Variants in PCDHGA4 observed in about 807,000 individuals in gnomAD.
PCDHGA4 encodes protocadherin gamma subfamily A, 4.
Under a neutral mutation model 54.6 loss-of-function variants are expected in PCDHGA4, and 38 were observed. That is an observed-to-expected ratio of 0.70 (90% CI 0.54 to 0.91). PCDHGA4 has a LOEUF of 0.91. PCDHGA4 is among the 40% of genes least tolerant of loss of function. PCDHGA4 has a pLI of 0.00. For synonymous variants in PCDHGA4, 511 were observed against 512.9 expected, an observed-to-expected ratio of 1.00 and a Z score of 0.05; for missense variants, 1,298 against 1,220.9, an observed-to-expected ratio of 1.06 and a Z score of -0.94.
chr5:141,404,291 G>C, intron 1 of PCDHGA4: 1 of 1,613,956 alleles, frequency 6.2e-7, no homozygotes, highest in Non-Finnish European at 8.5e-7. Context: ...TGACATCAAT[G>C]ATAATCCACC....
intron 1 of PCDHGA4, chr5:141,478,024 C>T: frequency 2.5e-6 from 4 of 1,614,188 alleles, no homozygotes; most frequent in Non-Finnish European, 3.4e-6. Context: ...CAGTCCAAGA[C>T]ACAGATTCAC....
At chr5:141,359,586 A>G (rs1252102791) in intron 1 of PCDHGA4, among the ~76,000 whole-genome samples, 1 of 151,834 alleles carries the variant, frequency 6.6e-6, no homozygotes, top group Non-Finnish European at 1.5e-5. Context: ...AAGATATAAC[A>G]ACTAAAAAAG....
chr5:141,507,113 C>G (rs1401559943), intron 3 of PCDHGA4: 1 of 152,220 alleles, frequency 6.6e-6, no homozygotes, highest in Non-Finnish European at 1.5e-5. Context: ...GGGACCATGG[C>G]TGCCTTTGGA....
rs1248714579 is a variant in PCDHGA4 at position 141,489,513 on chromosome 5, C to A, written c.2515-5294C>A. The A allele has an allele frequency of 6.2e-7, 1 of 1,614,000 alleles. No homozygotes were observed. Among genetic ancestry groups the A allele is most frequent in the African/African-American group, 1.3e-5 (1 of 74,918 alleles). ...CCCTGGCAGTGAATCAAAAGATTGACCGAGAAAGCCTATGTGGAGCCAGCA... is the reference window on the plus strand; with the variant it reads ...CCCTGGCAGTGAATCAAAAGATTGAACGAGAAAGCCTATGTGGAGCCAGCA... On this transcript the variant is annotated intron_variant, in intron 1 of 3. Coordinates refer to ENST00000571252, the MANE Select transcript of PCDHGA4 (RefSeq NM_018917.4). The surrounding 1 kb of genome is among the most constrained non-coding windows in gnomAD (Gnocchi z 4.5).
chr5:141,374,589 G>C, intron 1 of PCDHGA4: 3 of 1,613,676 alleles, frequency 1.9e-6, no homozygotes, highest in Non-Finnish European at 1.7e-6. Context: ...TCCCTTCAGG[G>C]ATTTAAGCTC....
rs778819723 is a variant in PCDHGA4 at position 141,398,637 on chromosome 5, T to C, written c.2514+41016T>C. 1.9e-6 allele frequency: 3 copies of C among 1,613,908 alleles called. No homozygotes were observed. The African/African-American group carries it at 4.0e-5, about 22-fold the overall frequency. On this transcript the variant is annotated intron_variant, in intron 1 of 3. Transcript: ENST00000571252. ...TTGGCTTAAACTCTCTGCAGAAGTATAAACTCTCTCTTAACCCAAGTTTCT... is the reference window on the plus strand; with the variant it reads ...TTGGCTTAAACTCTCTGCAGAAGTACAAACTCTCTCTTAACCCAAGTTTCT...
intron 1 of PCDHGA4, chr5:141,421,947 C>T: frequency 6.2e-7 from 1 of 1,613,118 alleles, no homozygotes; most frequent in African/African-American, 1.3e-5. Context: ...ATGATCACAT[C>T]CCAATGTTTA....
intron 1 of PCDHGA4, chr5:141,370,571 G>A (rs970814015): frequency 1.2e-6 from 2 of 1,613,816 alleles, no homozygotes; most frequent in African/African-American, 1.3e-5. Flanking sequence ...TTGGCGTGGG[G>A]GATTTACCTA....
intron 1 of PCDHGA4, among the ~76,000 whole-genome samples, chr5:141,456,857 G>A (rs957526443): frequency 6.6e-5 from 10 of 152,234 alleles, no homozygotes; most frequent in African/African-American, 2.4e-4. Context: ...CAGCTAATTG[G>A]GAGGCTGAGG....
At chr5:141,409,908 C>T (rs1255447661) in intron 1 of PCDHGA4, 1 of 1,613,204 alleles carries the variant, frequency 6.2e-7, no homozygotes, top group Non-Finnish European at 8.5e-7. Context: ...GCTCTGGGTC[C>T]TGACGGCTCC....
Position 141,373,903 on chromosome 5 carries a change from CCAA to C in PCDHGA4, c.2514+16289_2514+16291del, listed in dbSNP as rs1423150628. 3 of 586,252 alleles carry C rather than the reference CCAA, an allele frequency of 5.1e-6. No individual in the cohort carries two copies. In the African/African-American group the frequency reaches 5.7e-5, roughly 11 times the overall value. 36.3% of individuals were successfully genotyped at this position (586,252 alleles called of 1,614,324 possible). The stretch of plus-strand genomic sequence containing the variant: ...TCAACGGAAACTCAAGTTACATCCT[CCAA>C]CAACAAAGCAAATTAGACGGGAAAG... On this transcript the variant is annotated intron_variant, in intron 1 of 3. Coordinates refer to ENST00000571252, the MANE Select transcript of PCDHGA4 (RefSeq NM_018917.4).
rs146235929 is a variant in PCDHGA4 at position 141,511,610 on chromosome 5, C to A, written c.*437C>A. On this transcript the variant is annotated 3_prime_UTR_variant, in exon 4 of 4. Transcript: ENST00000571252. ...GAAGTACCAAGTAACCTACAAGCCT[C>A]CTAGTTCTGAAAAGTTGGAAGGGCA... 1.0e-3 allele frequency: 247 copies of A among 237,682 alleles called. 1 individual carries two copies. The highest frequency in any genetic ancestry group is 5.2e-3 in the African/African-American group (235 of 45,400). The allele number at this position is 237,682 out of a possible 1,614,324, so 14.7% of individuals were successfully genotyped here. A position where few individuals can be genotyped will look rare whatever the true frequency, so the allele number is the denominator to read the frequency against.
intron 1 of PCDHGA4, chr5:141,430,990 GA>G (rs1185464233): frequency 1.2e-6 from 2 of 1,613,970 alleles, no homozygotes; most frequent in East Asian, 4.5e-5. Context: ...TTTTCGCCCT[GA>G]ATCCGCGCAG....
Position 141,486,880 on chromosome 5 carries a change from G to T in PCDHGA4, c.2515-7927G>T. On this transcript the variant is annotated intron_variant, in intron 1 of 3. Transcript: ENST00000571252. The surrounding 1 kb of genome is among the most constrained non-coding windows in gnomAD (Gnocchi z 5.0). The stretch of plus-strand genomic sequence containing the variant: ...ATGCTCCAGCTGTGCTCCGTCCTCG[G>T]GCCCGGCCTGGTTCCTTATGTCCCC... The T allele has an allele frequency of 6.2e-7, 1 of 1,614,212 alleles. No homozygotes were observed. Among genetic ancestry groups the T allele is most frequent in the East Asian group, 2.2e-5 (1 of 44,882 alleles).
Position 141,371,988 on chromosome 5 carries a change from C to T in PCDHGA4, c.2514+14367C>T, listed in dbSNP as rs1283820650. 4 of 1,613,144 alleles carry T rather than the reference C, an allele frequency of 2.5e-6. No homozygotes were observed. The African/African-American group carries it at 5.3e-5, about 22-fold the overall frequency. The stretch of plus-strand genomic sequence containing the variant: ...GCAGCTGCGTGCCTTCGAGCTCACT[C>T]TGCAGGCCCGCGACCAGGGCTCGCC... On this transcript the variant is annotated intron_variant, in intron 1 of 3. Coordinates refer to ENST00000571252, the MANE Select transcript of PCDHGA4 (RefSeq NM_018917.4).
rs377389968 is a variant in PCDHGA4, at chr5:141,404,840, C to T, written c.2514+47219C>T. On this transcript the variant is annotated intron_variant, in intron 1 of 3. Coordinates refer to ENST00000571252, the MANE Select transcript of PCDHGA4 (RefSeq NM_018917.4). Reference sequence around the variant, plus strand: ...GCACACAGGTGAAGTGCGCACAGCTCGGGCCCTGCTAGATAGAGATGCGCT... The same window carrying T: ...GCACACAGGTGAAGTGCGCACAGCTTGGGCCCTGCTAGATAGAGATGCGCT... 3.5e-5 allele frequency: 57 copies of T among 1,613,700 alleles called. No individual in the cohort carries two copies. The African/African-American group carries it at 6.3e-4, about 18-fold the overall frequency.
intron 2 of PCDHGA4, 107 bp from the exon 3 acceptor site, chr5:141,505,286 A>T: frequency 3.2e-6 from 5 of 1,551,278 alleles, no homozygotes; most frequent in Non-Finnish European, 4.4e-6. Flanking sequence ...GGTCTTGGGC[A>T]TGGGGTAGGG....
At position 141,498,794 on chromosome 5, in the gene PCDHGA4, G is replaced by A. The variant is rs184257963; in HGVS notation, c.2573+3929G>A. ...TAAAAATACAAAATATTAGCCAGGT[G>A]TGGTGGTGCACACCTGTAGTCCCAG... On this transcript the variant is annotated intron_variant, in intron 2 of 3. Transcript: ENST00000571252. Among the ~76,000 whole-genome samples the A allele has an allele frequency of 7.9e-5, 12 of 152,224 alleles. No individual in the cohort carries two copies. The East Asian group carries it at 2.3e-3, about 30-fold the overall frequency.
At position 141,493,235 on chromosome 5, in the gene PCDHGA4, T is replaced by G. The variant is rs541360337; in HGVS notation, c.2515-1572T>G. Among the ~76,000 whole-genome samples the G allele has an allele frequency of 6.6e-6, 1 of 152,352 alleles. No homozygotes were observed. The highest frequency in any genetic ancestry group is 1.5e-5 in the Non-Finnish European group (1 of 68,036). On this transcript the variant is annotated intron_variant, in intron 1 of 3. Transcript: ENST00000571252. This position sits in a 1 kb window ranked among gnomAD's most constrained non-coding sequence, Gnocchi z 4.3. ...TGCTCTTCCCACCATTGCTGTTGGC[T>G]AGGTACTAACATGCCTCTCTTATAA...
Sources: allele counts gnomAD v4.1 joint callset (sites outside exome capture counted in the v4.1 genomes callset), GRCh38; gene constraint gnomAD v4.1.1; non-coding constraint Gnocchi (gnomAD v3.1); transcripts MANE v1.5; gene names NCBI Gene and HGNC (gene_info 2026-07-23, HGNC 2026-07-21).